Variants in STRN observed in about 807,000 individuals in gnomAD.
STRN encodes striatin.
In STRN, 53 loss-of-function variants were observed where a neutral mutation model predicts 96.3. The ratio of observed to expected loss-of-function variants is 0.55; its 90% CI spans 0.44 to 0.69. The LOEUF (loss-of-function observed/expected upper bound fraction) is 0.69, where lower values mean the gene tolerates loss of function less well. Ranked by LOEUF, STRN falls within the 30% of genes least tolerant of loss-of-function variation. The pLI is 0.00. For synonymous variants in STRN, 428 were observed against 355.9 expected, an observed-to-expected ratio of 1.20 and a Z score of -2.28; for missense variants, 987 against 963.9, an observed-to-expected ratio of 1.02 and a Z score of -0.32.
At chr2:36,910,873 T>G (rs935478230) in intron 3 of STRN, among the ~76,000 whole-genome samples, 4 of 152,082 alleles carry the variant, frequency 2.6e-5, no homozygotes, top group Non-Finnish European at 4.4e-5. Context: ...ATAAATACAT[T>G]TTAACATAGC....
Position 36,966,253 on chromosome 2 carries a change from C to T in STRN, c.211G>A (p.Glu71Lys). ...ARFEVERAQW[E>K]VERAELQAQI... ...ACCTGCAGCTCCGCCCGCTCCACCT[C>T]CCACTGGGCTCTCTCCACCTCGAAG... The change falls in exon 1 of 18, where the codon GAG becomes AAG. Residue 71 changes from glutamate (E) to lysine (K), a missense_variant. Physicochemically the swap from Glu to Lys is moderately conservative, Grantham distance 56 (BLOSUM62 1). Transcript: ENST00000263918. 1 of 1,582,060 alleles carries T rather than the reference C, an allele frequency of 6.3e-7. No homozygotes were observed. The highest frequency in any genetic ancestry group is 8.6e-7 in the Non-Finnish European group (1 of 1,166,296).
Position 36,919,197 on chromosome 2 carries a change from T to C in STRN, c.339-3046A>G, listed in dbSNP as rs576222780. ...GCTGGCTGCTGGGACAACCTACAGCTTGTAGTTAGGTAAGGGTGGAAGGTG... is the reference window on the plus strand; with the variant it reads ...GCTGGCTGCTGGGACAACCTACAGCCTGTAGTTAGGTAAGGGTGGAAGGTG... On this transcript the variant is annotated intron_variant, in intron 2 of 17. Coordinates refer to ENST00000263918, the MANE Select transcript of STRN (RefSeq NM_003162.4). Among the ~76,000 whole-genome samples the C allele has an allele frequency of 4.6e-5, 7 of 152,312 alleles. No homozygotes were observed. The South Asian group carries it at 1.2e-3, about 27-fold the overall frequency.
chr2:36,855,465 T>A, intron 14 of STRN, 113 bp from the exon 15 acceptor site: 1 of 1,057,806 alleles, frequency 9.5e-7, no homozygotes, highest in Non-Finnish European at 1.3e-6. Context: ...AAACAAGGCT[T>A]ACCATTAGAA....
chr2:36,859,955 T>A (rs1668435153), intron 13 of STRN, among the ~76,000 whole-genome samples: 1 of 152,130 alleles, frequency 6.6e-6, no homozygotes, highest in African/African-American at 2.4e-5. Flanking sequence ...AACATGAAAT[T>A]AGTAACTGGT....
At chr2:36,880,507 A>G (rs1669041993) in intron 9 of STRN, among the ~76,000 whole-genome samples, 1 of 152,226 alleles carries the variant, frequency 6.6e-6, no homozygotes, top group East Asian at 1.9e-4. Context: ...AATCCTCATC[A>G]GAACAAAATA....
chr2:36,958,619 G>A (rs983114601), intron 1 of STRN, among the ~76,000 whole-genome samples: 2 of 152,188 alleles, frequency 1.3e-5, no homozygotes, highest in South Asian at 2.1e-4. Context: ...ATAAATTATC[G>A]AGAATAAAGC....
At position 36,908,571 on chromosome 2, in the gene STRN, T is replaced by C. The variant is rs141181038; in HGVS notation, c.413-2953A>G. 3.8e-3 allele frequency among the ~76,000 whole-genome samples: 571 copies of C among 152,266 alleles called. 2 individuals carry two copies. Among genetic ancestry groups the C allele is most frequent in the African/African-American group, 0.013 (544 of 41,552 alleles). On this transcript the variant is annotated intron_variant, in intron 3 of 17. Transcript: ENST00000263918. ...GTGAAAACACTAAAAAGGGTGACTTTTATGATATGTAAATTATATCTTAAT... is the reference window on the plus strand; with the variant it reads ...GTGAAAACACTAAAAAGGGTGACTTCTATGATATGTAAATTATATCTTAAT...
intron 7 of STRN, among the ~76,000 whole-genome samples, chr2:36,888,588 T>C (rs904957178): frequency 1.3e-5 from 2 of 152,046 alleles, no homozygotes; most frequent in African/African-American, 4.8e-5. Context: ...AATTGTTATC[T>C]TCTCAATGGG....
intron 12 of STRN, among the ~76,000 whole-genome samples, chr2:36,861,539 C>CA (rs1444763545): frequency 5.9e-5 from 9 of 151,988 alleles, no homozygotes; most frequent in African/African-American, 1.9e-4. Flanking sequence ...CAAAACAAAA[C>CA]AAAAAACAAG....
intron 7 of STRN, among the ~76,000 whole-genome samples, chr2:36,891,382 C>A (rs1465660681): frequency 6.6e-6 from 1 of 152,044 alleles, no homozygotes; most frequent in Non-Finnish European, 1.5e-5. Context: ...AAAAAATAGC[C>A]GGGCGTGGTG....
chr2:36,852,204 T>G (rs546528335), intron 15 of STRN, among the ~76,000 whole-genome samples: 62 of 152,304 alleles, frequency 4.1e-4, no homozygotes, highest in African/African-American at 1.4e-3. Flanking sequence ...TAAAAAGAAA[T>G]CAGTAATTTA....
intron 3 of STRN, among the ~76,000 whole-genome samples, chr2:36,906,885 T>C (rs1171248631): frequency 3.3e-5 from 5 of 151,468 alleles, no homozygotes; most frequent in East Asian, 2.0e-4. Context: ...GATTGCGCCA[T>C]TGCACTCCAG....
In STRN at chr2:36,883,921, TA is replaced by T; in HGVS notation, c.1186+10del. 7.4e-7 allele frequency: 1 copy of T among 1,348,166 alleles called. No individual in the cohort carries two copies. Among genetic ancestry groups the T allele is most frequent in the South Asian group, 2.6e-5 (1 of 38,228 alleles). The allele number at this position is 1,348,166 out of a possible 1,614,324, so 83.5% of individuals were successfully genotyped here. A position where few individuals can be genotyped will look rare whatever the true frequency, so the allele number is the denominator to read the frequency against. On this transcript the variant is annotated intron_variant, in intron 9 of 17. Coordinates refer to ENST00000263918, the MANE Select transcript of STRN (RefSeq NM_003162.4). ...GTGCATTTTGTGCTCCAGAGTATCT[TA>T]AATACTTACCTTCATCTGCCCTATT...
At chr2:36,852,518 T>G (rs985411235) in intron 15 of STRN, among the ~76,000 whole-genome samples, 182 of 152,130 alleles carry the variant, frequency 1.2e-3, no homozygotes, top group Non-Finnish European at 2.3e-3. Context: ...GAGCATGACG[T>G]CTCTCATATG....
rs543883752 is a variant in STRN at position 36,849,208 on chromosome 2, C to T, written c.*248G>A. 1.3e-4 allele frequency: 58 copies of T among 455,462 alleles called. No individual in the cohort carries two copies. The highest frequency in any genetic ancestry group is 5.9e-4 in the Middle Eastern group (1 of 1,694). The allele number at this position is 455,462 out of a possible 1,614,324, so 28.2% of individuals were successfully genotyped here. A position where few individuals can be genotyped will look rare whatever the true frequency, so the allele number is the denominator to read the frequency against. ...ATTAGAACCACCTCAGAAATAAAGG[C>T]GCCTATTGGGGAGAAATTTGAAACA... On this transcript the variant is annotated 3_prime_UTR_variant, in exon 18 of 18. Transcript: ENST00000263918.
intron 1 of STRN, among the ~76,000 whole-genome samples, chr2:36,946,832 T>C (rs1166948204): frequency 6.6e-6 from 1 of 152,228 alleles, no homozygotes; most frequent in Non-Finnish European, 1.5e-5. Context: ...AAAAAGTTGA[T>C]AGTTTCTAGT....
chr2:36,901,289 A>T (rs1303639909), intron 5 of STRN, among the ~76,000 whole-genome samples: 1 of 152,206 alleles, frequency 6.6e-6, no homozygotes, highest in Admixed American at 6.5e-5. Context: ...GTGGGGGCTC[A>T]TGCCGGTAAT....
chr2:36,941,671 T>C lies in STRN; in HGVS notation c.235-16463A>G, dbSNP rs554095714. On this transcript the variant is annotated intron_variant, in intron 1 of 17. Coordinates refer to ENST00000263918, the MANE Select transcript of STRN (RefSeq NM_003162.4). ...TTCAAGCAATTCTCCTGCCTCAGCC[T>C]CCTAAGTAGTTGGGATTACAGGCGC... is the stretch of plus-strand genomic sequence containing the variant. Among the ~76,000 whole-genome samples, 4 of 151,470 alleles carry C rather than the reference T, an allele frequency of 2.6e-5. No individual in the cohort carries two copies. The East Asian group carries it at 5.8e-4, about 22-fold the overall frequency.
In STRN at chr2:36,899,549, C is replaced by G. The variant is rs765431375; in HGVS notation, c.769G>C (p.Glu257Gln). The change falls in exon 6 of 18, where the codon GAG becomes CAG. Residue 257 changes from glutamate to glutamine, a missense_variant. Coordinates refer to ENST00000263918, the MANE Select transcript of STRN (RefSeq NM_003162.4). The part of the protein sequence containing the change: ...EDEDDDVDGR[E>Q]KSVIDTSTIV... ...GTTGAAGTATCAATGACGCTTTTCT[C>G]TCTTCCATCAACATCATCATCTTCA... 16 of 1,611,992 alleles carry G rather than the reference C, an allele frequency of 9.9e-6. No homozygotes were observed. Among genetic ancestry groups the G allele is most frequent in the Non-Finnish European group, 1.4e-5 (16 of 1,179,588 alleles).
Sources: gnomAD v4.1 joint callset for allele counts (sites outside exome capture counted in the v4.1 genomes callset) on GRCh38, gnomAD v4.1.1 for gene constraint, MANE v1.5 for transcripts, NCBI Gene and HGNC (gene_info 2026-07-23, HGNC 2026-07-21) for gene names.